The following WWOX variants were observed in gnomAD, a reference collection of about 807,000 sequenced individuals.
WWOX encodes the protein WW domain containing oxidoreductase, also known as WW domain-containing oxidoreductase.
Under a neutral mutation model 46.2 loss-of-function variants are expected in WWOX, and 69 were observed. The observed-to-expected ratio is 1.49, with a 90% CI of 1.23 to 1.82. The LOEUF (loss-of-function observed/expected upper bound fraction) is 1.82. WWOX is among the 40% of genes most tolerant of loss of function. WWOX has a pLI of 0.00. For synonymous variants in WWOX, 359 were observed against 202.6 expected, an observed-to-expected ratio of 1.77 and a Z score of -6.56; for missense variants, 919 against 542.6, an observed-to-expected ratio of 1.69 and a Z score of -6.89.
At chr16:78,655,127 G>A (rs539596419) in intron 8 of WWOX, among the ~76,000 whole-genome samples, 4 of 152,144 alleles carry the variant, frequency 2.6e-5, no homozygotes, top group East Asian at 3.9e-4. Context: ...AAGGAAACTC[G>A]GCTCAAACTA....
intron 5 of WWOX, among the ~76,000 whole-genome samples, chr16:78,312,256 A>C (rs967877706): frequency 5.3e-5 from 8 of 152,014 alleles, no homozygotes; most frequent in Non-Finnish European, 2.9e-5. Context: ...TTAATTTTTT[A>C]ATTGAATTCA....
chr16:78,693,984 G>C (rs1367435986), intron 8 of WWOX, among the ~76,000 whole-genome samples: 2 of 152,130 alleles, frequency 1.3e-5, no homozygotes, highest in South Asian at 2.1e-4. Flanking sequence ...TGTAATCCCA[G>C]CACTTTAGGA....
intron 5 of WWOX, among the ~76,000 whole-genome samples, chr16:78,360,951 T>C (rs11150066): frequency 0.84 from 128,226 of 151,852 alleles, 54,908 homozygotes; most frequent in Non-Finnish European, 0.9. Flanking sequence ...CTCCTGAGTA[T>C]CTGGGACTAT....
At chr16:78,278,717 G>A (rs2079625122) in intron 5 of WWOX, 2 of 1,483,706 alleles carry the variant, frequency 1.3e-6, no homozygotes, top group East Asian at 2.3e-5. Flanking sequence ...TCTTTTGTGG[G>A]TATTTCCTGG....
intron 8 of WWOX, among the ~76,000 whole-genome samples, chr16:78,795,177 G>C (rs1215214187): frequency 6.6e-6 from 1 of 152,094 alleles, no homozygotes; most frequent in Non-Finnish European, 1.5e-5. Context: ...TGTTCAAAAG[G>C]TGCCAGATAT....
At chr16:78,663,422 A>G (rs2047262154) in intron 8 of WWOX, among the ~76,000 whole-genome samples, 1 of 152,174 alleles carries the variant, frequency 6.6e-6, no homozygotes, top group African/African-American at 2.4e-5. Context: ...TTATCCATTC[A>G]CAGTTCATGT....
chr16:78,397,773 C>T (rs908046428), intron 6 of WWOX, among the ~76,000 whole-genome samples: 1 of 152,218 alleles, frequency 6.6e-6, no homozygotes, highest in Non-Finnish European at 1.5e-5. Flanking sequence ...GATCCGCCCA[C>T]CTCAACCTCC....
At chr16:79,004,890 G>T (rs1026490873) in intron 8 of WWOX, among the ~76,000 whole-genome samples, 4 of 152,138 alleles carry the variant, frequency 2.6e-5, no homozygotes, top group Admixed American at 2.6e-4. Flanking sequence ...AATTTTGGGG[G>T]GGTTAATTTC....
chr16:78,371,340 A>G (rs1035708517), intron 5 of WWOX, among the ~76,000 whole-genome samples: 1 of 152,214 alleles, frequency 6.6e-6, no homozygotes, highest in Non-Finnish European at 1.5e-5. Context: ...ACAGTAAAAA[A>G]GTGTACTTTT....
At chr16:79,039,252 T>C (rs767487482) in intron 8 of WWOX, among the ~76,000 whole-genome samples, 9 of 152,186 alleles carry the variant, frequency 5.9e-5, no homozygotes, top group Non-Finnish European at 1.2e-4. Flanking sequence ...TTTGCAGGAA[T>C]GACTGTCTTG....
intron 8 of WWOX, among the ~76,000 whole-genome samples, chr16:78,720,644 G>GCTC (rs970008704): frequency 1.2e-4 from 18 of 151,824 alleles, no homozygotes; most frequent in African/African-American, 4.1e-4. Context: ...CTTGACCCTT[G>GCTC]AATTGAATAT....
chr16:78,657,559 TGA>T, intron 8 of WWOX, among the ~76,000 whole-genome samples: 1 of 152,312 alleles, frequency 6.6e-6, no homozygotes, highest in South Asian at 2.1e-4. Flanking sequence ...GTTAAAGACG[TGA>T]CCCTGGCCGG....
intron 8 of WWOX, among the ~76,000 whole-genome samples, chr16:78,594,650 G>T (rs943266552): frequency 6.6e-5 from 10 of 152,076 alleles, no homozygotes; most frequent in African/African-American, 2.4e-4. Context: ...CAGTGGCTCT[G>T]TATTTCTCAG....
intron 8 of WWOX, among the ~76,000 whole-genome samples, chr16:78,680,799 C>G (rs533309018): frequency 2.6e-5 from 4 of 152,182 alleles, no homozygotes; most frequent in African/African-American, 9.6e-5. Flanking sequence ...GGCACAGTAC[C>G]TGCTGTGATG....
At chr16:78,577,734 C>T (rs1483257997) in intron 8 of WWOX, among the ~76,000 whole-genome samples, 1 of 152,218 alleles carries the variant, frequency 6.6e-6, no homozygotes, top group Admixed American at 6.5e-5. Context: ...CTCTATTTGA[C>T]CACATCTTCC....
At chr16:78,509,657 T>G (rs1487735024) in intron 8 of WWOX, among the ~76,000 whole-genome samples, 1 of 152,124 alleles carries the variant, frequency 6.6e-6, no homozygotes, top group Non-Finnish European at 1.5e-5. Flanking sequence ...GCAGGACTAT[T>G]TACACCACGG....
intron 8 of WWOX, among the ~76,000 whole-genome samples, chr16:78,638,502 T>A (rs1356534327): frequency 6.6e-6 from 1 of 152,114 alleles, no homozygotes; most frequent in Non-Finnish European, 1.5e-5. Flanking sequence ...TCTGATAAGA[T>A]CTGTCTGCAC....
intron 8 of WWOX, among the ~76,000 whole-genome samples, chr16:78,548,754 T>G (rs1352728386): frequency 6.6e-6 from 1 of 152,218 alleles, no homozygotes; most frequent in Non-Finnish European, 1.5e-5. Flanking sequence ...TAATGGGACT[T>G]AGTGTAATGG....
chr16:78,733,444 G>C (rs192681881), intron 8 of WWOX, among the ~76,000 whole-genome samples: 2 of 152,102 alleles, frequency 1.3e-5, no homozygotes, highest in Admixed American at 6.5e-5. Context: ...AACAGAGTGA[G>C]ACCTTGTCTC....
Sources: allele counts gnomAD v4.1 joint callset (sites outside exome capture counted in the v4.1 genomes callset), GRCh38; gene constraint gnomAD v4.1.1; transcripts MANE v1.5; gene names NCBI Gene and HGNC (gene_info 2026-07-23, HGNC 2026-07-21).